The following PSMC1 variants were observed in gnomAD, a reference collection of about 807,000 sequenced individuals.
PSMC1 encodes 26S proteasome regulatory subunit 4.
In PSMC1, 5 loss-of-function variants were observed where a neutral mutation model predicts 49.8. The ratio of observed to expected loss-of-function variants is 0.10; its 90% CI spans 0.05 to 0.21. The LOEUF is 0.21. PSMC1 is among the 10% of genes least tolerant of loss of function. The pLI is 1.00. For missense variants in PSMC1, 181 were observed against 535.7 expected, an observed-to-expected ratio of 0.34 and a Z score of 6.54; for synonymous variants, 155 against 192.1, an observed-to-expected ratio of 0.81 and a Z score of 1.60.
intron 9 of PSMC1, 134 bp downstream of exon 9, chr14:90,269,682 A>T (rs1006013239): frequency 3.0e-6 from 3 of 986,070 alleles, no homozygotes; most frequent in Middle Eastern, 2.4e-4. Context: ...TTTACAAAAA[A>T]ATAGGTCCTC....
chr14:90,266,306 G>A (rs1891512957), intron 7 of PSMC1, among the ~76,000 whole-genome samples: 2 of 152,044 alleles, frequency 1.3e-5, no homozygotes, highest in African/African-American at 4.8e-5. Flanking sequence ...GATTCATTTG[G>A]TAGAGCTCAG....
At chr14:90,259,246 C>T in intron 2 of PSMC1, 33 bp downstream of exon 2, 1 of 1,602,452 alleles carries the variant, frequency 6.2e-7, no homozygotes, top group Non-Finnish European at 8.5e-7. Context: ...GTGATATGAG[C>T]AAATTGTGGA....
chr14:90,266,856 CCTGT>C (rs1457223258), intron 7 of PSMC1, among the ~76,000 whole-genome samples: 1 of 152,196 alleles, frequency 6.6e-6, no homozygotes, highest in Non-Finnish European at 1.5e-5. Context: ...TGCTACTCTG[CCTGT>C]CTAAAAGCAA....
At chr14:90,265,018 T>C (rs1595042809) in intron 6 of PSMC1, 52 bp from the exon 7 acceptor site, 2 of 1,323,946 alleles carry the variant, frequency 1.5e-6, no homozygotes, top group East Asian at 2.3e-5. Flanking sequence ...TGCCAATTAG[T>C]AAATATGCTA....
At position 90,264,151 on chromosome 14, in the gene PSMC1, C is replaced by T. The variant is rs771218095; in HGVS notation, c.576C>T (p.Asn192=). The change falls in exon 6 of 11, where the codon AAC becomes AAT. Residue 192 remains asparagine (N), a synonymous_variant. Transcript: ENST00000261303. ...ETYADIGGLD[N]QIQEIKESVE... ...ATGCAGATATTGGGGGGTTGGACAA[C>T]CAAATTCAGGAAATTAAGGTATGAT... The T allele has an allele frequency of 1.9e-6, 3 of 1,611,676 alleles. No individual in the cohort carries two copies. Among genetic ancestry groups the T allele is most frequent in the East Asian group, 2.2e-5 (1 of 44,878 alleles).
chr14:90,263,234 A>G (rs1891435147), intron 3 of PSMC1, 84 bp from the exon 4 acceptor site: 7 of 1,390,890 alleles, frequency 5.0e-6, no homozygotes, highest in Non-Finnish European at 6.8e-6. Flanking sequence ...AACAAAAATG[A>G]GCGTATTTTA....
rs1891760073 is a variant in PSMC1 at position 90,274,803 on chromosome 14, CA to C, written c.*2397del. 9.0e-5 allele frequency: 6 copies of C among 66,412 alleles called. No homozygotes were observed. Among genetic ancestry groups the C allele is most frequent in the Non-Finnish European group, 1.8e-4 (6 of 33,144 alleles). The allele number at this position is 66,412 out of a possible 1,614,324, so 4.1% of individuals were successfully genotyped here. On this transcript the variant is annotated 3_prime_UTR_variant, in exon 11 of 11. Coordinates refer to ENST00000261303, the MANE Select transcript of PSMC1 (RefSeq NM_002802.3). ...ATAGGGAACTACACACACACACACA[CA>C]CACACACACACACACACACACACAC...
Position 90,272,160 on chromosome 14 carries a change from C to CT in PSMC1, c.1189-112dup. ...CCACCTGCCTCGGCCTCCCAGAGTG[C>CT]TGGGATTACAGGTGTGAGCCACCGC... On this transcript the variant is annotated intron_variant, in intron 10 of 10. Coordinates refer to ENST00000261303, the MANE Select transcript of PSMC1 (RefSeq NM_002802.3). The surrounding 1 kb of genome is among the most constrained non-coding windows in gnomAD (Gnocchi z 4.5). The CT allele has an allele frequency of 2.5e-6, 3 of 1,215,842 alleles. No homozygotes were observed. Among genetic ancestry groups the CT allele is most frequent in the Non-Finnish European group, 3.4e-6 (3 of 871,712 alleles). 75.3% of individuals were successfully genotyped at this position (1,215,842 alleles called of 1,614,324 possible). A position where few individuals can be genotyped will look rare whatever the true frequency, so the allele number is the denominator to read the frequency against.
At chr14:90,266,083 C>T (rs10131569) in intron 7 of PSMC1, among the ~76,000 whole-genome samples, 2,320 of 152,030 alleles carry the variant, frequency 0.015, 51 homozygotes, top group African/African-American at 0.053. Flanking sequence ...TGGTGAAACC[C>T]CATCTCTACT....
chr14:90,266,396 C>T (rs550066548), intron 7 of PSMC1, among the ~76,000 whole-genome samples: 1 of 152,182 alleles, frequency 6.6e-6, no homozygotes, highest in Non-Finnish European at 1.5e-5. Flanking sequence ...TAAGAAGATC[C>T]GTGCTGAGGG....
At chr14:90,265,232 TATA>T (rs1448107517) in intron 7 of PSMC1, 66 bp downstream of exon 7, 2 of 1,117,842 alleles carry the variant, frequency 1.8e-6, no homozygotes, top group Non-Finnish European at 2.7e-6. Context: ...ATTGGCTAGT[TATA>T]ATTACTGAAC....
At position 90,263,647 on chromosome 14, in the gene PSMC1, C is replaced by T. The variant is rs202028024; in HGVS notation, c.280-15C>T. 2 of 1,609,598 alleles carry T rather than the reference C, an allele frequency of 1.2e-6. No individual in the cohort carries two copies. The highest frequency in any genetic ancestry group is 1.3e-5 in the African/African-American group (1 of 74,798). ...GGTCTAGTCTGCTTTTTTCCCTTGG[C>T]ATTTTCATATGTAGGAGGAAAGATC... is the stretch of plus-strand genomic sequence containing the variant. On this transcript the variant is annotated splice_polypyrimidine_tract_variant and intron_variant, in intron 4 of 10. Coordinates refer to ENST00000261303, the MANE Select transcript of PSMC1 (RefSeq NM_002802.3).
chr14:90,270,117 G>C (rs1891623862), intron 9 of PSMC1, 81 bp from the exon 10 acceptor site: 14 of 1,447,430 alleles, frequency 9.7e-6, no homozygotes, highest in Non-Finnish European at 1.3e-5. Flanking sequence ...TCGTATGTAA[G>C]GAGATGGGCT....
Position 90,273,692 on chromosome 14 carries a change from C to T in PSMC1, c.*1285C>T, listed in dbSNP as rs1208036651. The T allele has an allele frequency of 6.5e-6, 1 of 153,816 alleles. No individual in the cohort carries two copies. Among genetic ancestry groups the T allele is most frequent in the African/African-American group, 2.4e-5 (1 of 41,506 alleles). The allele number at this position is 153,816 out of a possible 1,614,324, so 9.5% of individuals were successfully genotyped here. On this transcript the variant is annotated 3_prime_UTR_variant, in exon 11 of 11. Coordinates refer to ENST00000261303, the MANE Select transcript of PSMC1 (RefSeq NM_002802.3). ...CCCTCTGGCGTCTCTAAGGGAGAAT[C>T]CGTTTCCTTGCTGAGGATTATTGTT...
chr14:90,269,843 G>T, intron 9 of PSMC1: 1 of 394,260 alleles, frequency 2.5e-6, no homozygotes, highest in Non-Finnish European at 4.5e-6. Context: ...TTCATGTGAT[G>T]GTAGGATTTG....
At chr14:90,256,641 C>T in intron 1 of PSMC1, 41 bp downstream of exon 1, 2 of 1,579,152 alleles carry the variant, frequency 1.3e-6, no homozygotes, top group Non-Finnish European at 1.7e-6. Context: ...CGTCGCGGTG[C>T]GATGGGGTCT....
In PSMC1 at chr14:90,272,148, C is replaced by T; in HGVS notation, c.1189-125C>T. On this transcript the variant is annotated intron_variant, in intron 10 of 10. Coordinates refer to ENST00000261303, the MANE Select transcript of PSMC1 (RefSeq NM_002802.3). This position sits in a 1 kb window ranked among gnomAD's most constrained non-coding sequence, Gnocchi z 4.5. ...ACCTTAGGCGATCCACCTGCCTCGG[C>T]CTCCCAGAGTGCTGGGATTACAGGT... 1 of 1,028,898 alleles carries T rather than the reference C, an allele frequency of 9.7e-7. No homozygotes were observed. Among genetic ancestry groups the T allele is most frequent in the Non-Finnish European group, 1.4e-6 (1 of 713,038 alleles). The allele number at this position is 1,028,898 out of a possible 1,614,324, so 63.7% of individuals were successfully genotyped here. A position where few individuals can be genotyped will look rare whatever the true frequency, so the allele number is the denominator to read the frequency against.
intron 10 of PSMC1, chr14:90,270,626 G>A (rs1595046506): frequency 3.2e-6 from 1 of 310,832 alleles, no homozygotes; most frequent in Non-Finnish European, 5.9e-6. Context: ...CTTTCTCAAG[G>A]TGTGTCAAAT....
rs1191811496 is a variant in PSMC1, at chr14:90,275,394, TC to T, written c.*2989del. 6.6e-6 allele frequency: 1 copy of T among 152,128 alleles called. No homozygotes were observed. Among genetic ancestry groups the T allele is most frequent in the Non-Finnish European group, 1.5e-5 (1 of 68,038 alleles). 9.4% of individuals were successfully genotyped at this position (152,128 alleles called of 1,614,324 possible). ...TTCTTTGTAACGCACTTGCATCTTTTCCTAAGTTTGAGATTAAAAAAAACAA... is the reference window on the plus strand; with the variant it reads ...TTCTTTGTAACGCACTTGCATCTTTTCTAAGTTTGAGATTAAAAAAAACAA... On this transcript the variant is annotated 3_prime_UTR_variant, in exon 11 of 11. Coordinates refer to ENST00000261303, the MANE Select transcript of PSMC1 (RefSeq NM_002802.3).
Sources: gnomAD v4.1 joint callset for allele counts (sites outside exome capture counted in the v4.1 genomes callset) on GRCh38, gnomAD v4.1.1 for gene constraint, Gnocchi (gnomAD v3.1) non-coding constraint, MANE v1.5 for transcripts, NCBI Gene and HGNC (gene_info 2026-07-23, HGNC 2026-07-21) for gene names.